DDX10: variants seen among roughly 807,000 people sequenced by gnomAD.
The protein encoded by DDX10 is DEAD-box helicase 10.
A neutral mutation model predicts 104.3 loss-of-function variants in DDX10; 74 were observed. That is an observed-to-expected ratio of 0.71 (90% CI 0.59 to 0.86). DDX10 has a LOEUF of 0.86. Ranked by LOEUF, DDX10 falls within the 40% of genes least tolerant of loss-of-function variation. DDX10 has a pLI of 0.00. For synonymous variants in DDX10, 351 were observed against 353.4 expected, an observed-to-expected ratio of 0.99 and a Z score of 0.08; for missense variants, 952 against 1,040.0, an observed-to-expected ratio of 0.92 and a Z score of 1.16.
At chr11:108,757,861 C>G (rs1216446121) in intron 13 of DDX10, among the ~76,000 whole-genome samples, 1 of 152,030 alleles carries the variant, frequency 6.6e-6, no homozygotes, top group Non-Finnish European at 1.5e-5. Context: ...TGATCGATCT[C>G]TTAACCTTTT....
chr11:108,677,073 T>A lies in DDX10; in HGVS notation c.379-12T>A. The A allele has an allele frequency of 1.3e-6, 2 of 1,592,006 alleles. No individual in the cohort carries two copies. The highest frequency in any genetic ancestry group is 1.7e-6 in the Non-Finnish European group (2 of 1,165,356). On this transcript the variant is annotated splice_polypyrimidine_tract_variant and intron_variant, in intron 3 of 17. Transcript: ENST00000322536. ...GATGACTTACTGAACATGAATTTGC[T>A]GTCTTTTTGAGGTGCTGGAAGCCTT...
intron 13 of DDX10, among the ~76,000 whole-genome samples, chr11:108,790,682 A>C (rs1861858277): frequency 6.6e-6 from 1 of 152,086 alleles, no homozygotes; most frequent in Non-Finnish European, 1.5e-5. Context: ...TGTGGCCAAG[A>C]CATTTCTGTC....
At chr11:108,861,806 A>C (rs1862944882) in intron 16 of DDX10, among the ~76,000 whole-genome samples, 2 of 152,240 alleles carry the variant, frequency 1.3e-5, no homozygotes, top group East Asian at 1.9e-4. Context: ...ACTTCAATTA[A>C]AGCTCAGGAG....
chr11:108,860,626 A>C (rs1862928355), intron 16 of DDX10: 1 of 152,022 alleles, frequency 6.6e-6, no homozygotes, highest in African/African-American at 2.4e-5. Flanking sequence ...GCTTACTGCA[A>C]CCTCCGCCTC....
At chr11:108,824,486 A>G (rs1206822626) in intron 13 of DDX10, among the ~76,000 whole-genome samples, 1 of 151,874 alleles carries the variant, frequency 6.6e-6, no homozygotes, top group Non-Finnish European at 1.5e-5. Flanking sequence ...GCTATGTAGC[A>G]TATAAAATTT....
Position 108,731,964 on chromosome 11 carries a change from T to G in DDX10, c.1965+8502T>G, listed in dbSNP as rs550342945. On this transcript the variant is annotated intron_variant, in intron 13 of 17. Transcript: ENST00000322536. The stretch of plus-strand genomic sequence containing the variant: ...GTTGCTCATGTTTTAGAATTGTCTT[T>G]GTAGACACCATACCAGACACAGAAG... 3.9e-5 allele frequency among the ~76,000 whole-genome samples: 6 copies of G among 152,338 alleles called. 1 individual carries two copies. In the South Asian group the frequency reaches 1.0e-3, roughly 26 times the overall value.
chr11:108,731,197 C>T (rs1319379610), intron 13 of DDX10, among the ~76,000 whole-genome samples: 2 of 151,640 alleles, frequency 1.3e-5, no homozygotes, highest in Non-Finnish European at 2.9e-5. Flanking sequence ...ATTACAGGCA[C>T]GTGCCACCAC....
chr11:108,924,415 A>C (rs1863881439), intron 17 of DDX10, among the ~76,000 whole-genome samples: 1 of 152,206 alleles, frequency 6.6e-6, no homozygotes, highest in Non-Finnish European at 1.5e-5. Context: ...TTCTTTATGG[A>C]TTGATACCTT....
intron 13 of DDX10, among the ~76,000 whole-genome samples, chr11:108,779,534 CG>C (rs898995895): frequency 1.2e-4 from 16 of 134,528 alleles, no homozygotes; most frequent in African/African-American, 4.5e-4. Flanking sequence ...TGGGGCCTGC[CG>C]GGGGTGGTGG....
In DDX10 at chr11:108,783,973, A is replaced by G. The variant is rs566948498; in HGVS notation, c.1966-54473A>G. On this transcript the variant is annotated intron_variant, in intron 13 of 17. Transcript: ENST00000322536. Reference sequence around the variant, plus strand: ...AGGATAACGGCCTCCAGCTCTATCCATGTTGCAGCAAAGGACAGCCTAAGG... The same window carrying G: ...AGGATAACGGCCTCCAGCTCTATCCGTGTTGCAGCAAAGGACAGCCTAAGG... 8.3e-4 allele frequency among the ~76,000 whole-genome samples: 127 copies of G among 152,304 alleles called. 1 individual carries two copies. The highest frequency in any genetic ancestry group is 2.9e-3 in the African/African-American group (121 of 41,566).
intron 13 of DDX10, among the ~76,000 whole-genome samples, chr11:108,828,336 A>G (rs948941217): frequency 3.9e-5 from 6 of 152,032 alleles, no homozygotes; most frequent in Non-Finnish European, 7.4e-5. Context: ...CCAAAGTCCA[A>G]TGTATAATTC....
intron 16 of DDX10, among the ~76,000 whole-genome samples, chr11:108,867,865 G>A (rs1007566024): frequency 6.6e-6 from 1 of 152,098 alleles, no homozygotes; most frequent in Non-Finnish European, 1.5e-5. Context: ...TGGACCCAGA[G>A]GGCACTACTT....
At chr11:108,857,765 T>A (rs769322520) in intron 16 of DDX10, among the ~76,000 whole-genome samples, 1 of 152,254 alleles carries the variant, frequency 6.6e-6, no homozygotes, top group East Asian at 1.9e-4. Context: ...TATATGACGC[T>A]GAAGCGTTGA....
chr11:108,905,697 C>T (rs1001500593), intron 16 of DDX10, among the ~76,000 whole-genome samples: 3 of 152,060 alleles, frequency 2.0e-5, no homozygotes, highest in African/African-American at 4.8e-5. Context: ...TTGGGTTTAG[C>T]AAGGTGCATT....
chr11:108,898,498 C>T (rs887180756), intron 16 of DDX10, among the ~76,000 whole-genome samples: 11 of 151,752 alleles, frequency 7.2e-5, no homozygotes, highest in African/African-American at 1.5e-4. Flanking sequence ...ATGAGAGGGA[C>T]GCTTTATAAC....
chr11:108,791,042 G>A (rs1861863923), intron 13 of DDX10, among the ~76,000 whole-genome samples: 1 of 152,208 alleles, frequency 6.6e-6, no homozygotes, highest in African/African-American at 2.4e-5. Flanking sequence ...ACGAGGTGGA[G>A]TCTGTGTCCC....
chr11:108,721,981 A>G (rs2094298914), intron 12 of DDX10, among the ~76,000 whole-genome samples: 2 of 152,324 alleles, frequency 1.3e-5, no homozygotes, highest in South Asian at 2.1e-4. Flanking sequence ...TTAGTTCCCT[A>G]TATGCCAGGC....
chr11:108,681,214 G>C (rs1303883920), intron 6 of DDX10, among the ~76,000 whole-genome samples: 2 of 151,836 alleles, frequency 1.3e-5, no homozygotes, highest in Non-Finnish European at 2.9e-5. Context: ...AATTTCTGTA[G>C]GTAAGAGTTG....
At position 108,935,743 on chromosome 11, in the gene DDX10, TC is replaced by T. The variant is rs1270123927; in HGVS notation, c.2451-4501del. 3.3e-5 allele frequency among the ~76,000 whole-genome samples: 5 copies of T among 152,262 alleles called. No individual in the cohort carries two copies. The East Asian group carries it at 9.6e-4, about 29-fold the overall frequency. On this transcript the variant is annotated intron_variant, in intron 17 of 17. Coordinates refer to ENST00000322536, the MANE Select transcript of DDX10 (RefSeq NM_004398.4). ...CATTTTCTATCCTGGAATGATGACT[TC>T]CAACCTTTTCATCATCACAAGACAA...
Sources: gnomAD v4.1 joint callset for allele counts (sites outside exome capture counted in the v4.1 genomes callset) on GRCh38, gnomAD v4.1.1 for gene constraint, MANE v1.5 for transcripts, NCBI Gene and HGNC (gene_info 2026-07-23, HGNC 2026-07-21) for gene names.